Variants in PSTPIP1 observed in about 807,000 individuals in gnomAD.
The protein encoded by PSTPIP1 is proline-serine-threonine phosphatase interacting protein 1.
Under a neutral mutation model 69.6 loss-of-function variants are expected in PSTPIP1, and 66 were observed. That is an observed-to-expected ratio of 0.95 (90% CI 0.78 to 1.16). PSTPIP1 has a LOEUF of 1.16. Among genes scored for constraint, PSTPIP1 ranks in the 50% most tolerant of loss-of-function variants. The pLI is 0.00. For missense variants in PSTPIP1, 603 were observed against 557.4 expected (o/e 1.08, Z -0.82); for synonymous variants, 266 against 222.7 (o/e 1.19, Z -1.73).
rs771629261 is a variant in PSTPIP1, at chr15:77,018,519, A to C, written c.200A>C (p.Gln67Pro). 1 of 1,572,622 alleles carries C rather than the reference A, an allele frequency of 6.4e-7. No homozygotes were observed. The highest frequency in any genetic ancestry group is 1.2e-5 in the South Asian group (1 of 85,574). Residue 67 changes from glutamine (Q) to proline (P), a missense_variant, in exon 3 of 15, where the codon CAG becomes CCG. Physicochemically the swap from Gln to Pro is moderately conservative, Grantham distance 76 (BLOSUM62 -1). Transcript: ENST00000558012. ...CAGATCGCACGGAAGGCAGGTGGCC[A>C]GACGGAGATCAAGTAAGATCTCCCG... is the stretch of plus-strand genomic sequence containing the variant. ...LVQIARKAGG[Q>P]TEINSLRASF...
chr15:77,032,471 G>T, intron 11 of PSTPIP1, 77 bp downstream of exon 11: 1 of 1,484,076 alleles, frequency 6.7e-7, no homozygotes, highest in Non-Finnish European at 9.3e-7. Context: ...AGCCTCAAGT[G>T]CCAGGACCGG....
chr15:77,019,259 C>T (rs1219347138), intron 3 of PSTPIP1, among the ~76,000 whole-genome samples: 1 of 152,158 alleles, frequency 6.6e-6, no homozygotes, highest in Non-Finnish European at 1.5e-5. Context: ...CTGGGAAGGC[C>T]CAGACTGTCC....
At chr15:77,015,363 C>A (rs1219745367) in intron 1 of PSTPIP1, among the ~76,000 whole-genome samples, 1 of 152,054 alleles carries the variant, frequency 6.6e-6, no homozygotes, top group African/African-American at 2.4e-5. Context: ...CCTGTTTGGG[C>A]CTCCTGTCCC....
At position 77,028,017 on chromosome 15, in the gene PSTPIP1, T is replaced by G. The variant is rs948598804; in HGVS notation, c.417+103T>G. 1.1e-5 allele frequency: 12 copies of G among 1,118,404 alleles called. No homozygotes were observed. The African/African-American group carries it at 1.9e-4, about 17-fold the overall frequency. The allele number at this position is 1,118,404 out of a possible 1,614,324, so 69.3% of individuals were successfully genotyped here. On this transcript the variant is annotated intron_variant, in intron 6 of 14. Coordinates refer to ENST00000558012, the MANE Select transcript of PSTPIP1 (RefSeq NM_003978.5). ...CCCGGGCAGGGCATTTGGAACAGGC[T>G]GACCTCAGCCTTGGTCCTCGGACCT...
chr15:77,032,153 GC>G (rs2076432980), intron 10 of PSTPIP1, 144 bp from the exon 11 acceptor site: 1 of 718,506 alleles, frequency 1.4e-6, no homozygotes, highest in East Asian at 2.7e-5. Flanking sequence ...GTCAGCCAGG[GC>G]CGTGACCCCT....
chr15:77,028,691 T>G lies in PSTPIP1; in HGVS notation c.516+39T>G, dbSNP rs560901290. 7 of 1,451,954 alleles carry G rather than the reference T, an allele frequency of 4.8e-6. No individual in the cohort carries two copies. The African/African-American group carries it at 1.0e-4, about 21-fold the overall frequency. The allele number at this position is 1,451,954 out of a possible 1,614,324, so 89.9% of individuals were successfully genotyped here. A position where few individuals can be genotyped will look rare whatever the true frequency, so the allele number is the denominator to read the frequency against. On this transcript the variant is annotated intron_variant, in intron 7 of 14. Transcript: ENST00000558012. Reference sequence around the variant, plus strand: ...CTGGGCCGTGTGGGTCGCCCAGGGCTGGGGGCAGTGGGGGAGGCAAGGAAG... The same window carrying G: ...CTGGGCCGTGTGGGTCGCCCAGGGCGGGGGGCAGTGGGGGAGGCAAGGAAG...
upstream of PSTPIP1, chr15:76,995,023 G>A: frequency 1.7e-6 from 2 of 1,191,622 alleles, no homozygotes; most frequent in Admixed American, 3.4e-5. Flanking sequence ...GCAAGCAGAG[G>A]CAGGAGCAGG....
intron 13 of PSTPIP1, 48 bp from the exon 14 acceptor site, chr15:77,035,754 G>C (rs1190027714): frequency 1.4e-6 from 2 of 1,466,380 alleles, no homozygotes; most frequent in African/African-American, 2.4e-5. Context: ...ACTTCCAGGG[G>C]CCAGTGTCCC....
At chr15:77,003,607 G>A (rs1367278530) in intron 1 of PSTPIP1, among the ~76,000 whole-genome samples, 1 of 151,912 alleles carries the variant, frequency 6.6e-6, no homozygotes, top group Non-Finnish European at 1.5e-5. Flanking sequence ...AGTGAGCTGA[G>A]GTTTCACAAT....
chr15:77,022,529 T>C (rs952221313), intron 3 of PSTPIP1, among the ~76,000 whole-genome samples: 3 of 152,122 alleles, frequency 2.0e-5, no homozygotes, highest in African/African-American at 7.2e-5. Context: ...CTCAGGGAGA[T>C]CTTGACAGTT....
intron 1 of PSTPIP1, among the ~76,000 whole-genome samples, chr15:77,012,140 T>G (rs1596069255): frequency 8.1e-6 from 1 of 123,114 alleles, no homozygotes; most frequent in Non-Finnish European, 1.7e-5. Flanking sequence ...CATCCATCCA[T>G]CCATCCATCC....
intron 9 of PSTPIP1, 50 bp from the exon 10 acceptor site, chr15:77,031,130 G>A (rs201795289): frequency 2.2e-5 from 34 of 1,544,744 alleles, no homozygotes; most frequent in African/African-American, 1.6e-4. Context: ...CAGCCTGGCC[G>A]GGCCCTGCAG....
intron 3 of PSTPIP1, 32 bp from the exon 4 acceptor site, chr15:77,025,252 C>T (rs916934510): frequency 2.5e-6 from 4 of 1,594,790 alleles, no homozygotes; most frequent in Non-Finnish European, 3.4e-6. Context: ...CTGTGCTCTC[C>T]TCCTCCTGAC....
chr15:77,001,832 G>A (rs77775234), intron 1 of PSTPIP1, among the ~76,000 whole-genome samples: 2,873 of 152,310 alleles, frequency 0.019, 96 homozygotes, highest in African/African-American at 0.066. Flanking sequence ...TGCACAGGGA[G>A]CTAATTAAAG....
intron 3 of PSTPIP1, among the ~76,000 whole-genome samples, chr15:77,018,954 T>C (rs1349076658): frequency 6.6e-6 from 1 of 152,136 alleles, no homozygotes; most frequent in African/African-American, 2.4e-5. Flanking sequence ...GGTTCCGGTG[T>C]CAGCTCCTCA....
rs2075556755 is a variant in PSTPIP1 at position 76,995,474 on chromosome 15, G to A, written c.-100G>A. ...GCGCCGGCCGGGAAGGGGGGCCTGGGCCAGCCCTGCCAGGACTGGGACGCT... is the reference window on the plus strand; with the variant it reads ...GCGCCGGCCGGGAAGGGGGGCCTGGACCAGCCCTGCCAGGACTGGGACGCT... On this transcript the variant is annotated 5_prime_UTR_variant, in exon 1 of 15. Transcript: ENST00000558012. The A allele has an allele frequency of 6.3e-7, 1 of 1,597,534 alleles. No homozygotes were observed.
At chr15:77,020,868 T>TGGG (rs201125747) in intron 3 of PSTPIP1, among the ~76,000 whole-genome samples, 30 of 115,528 alleles carry the variant, frequency 2.6e-4, no homozygotes, top group African/African-American at 8.8e-4. Flanking sequence ...TAGACTCCTG[T>TGGG]GGGGGGGGGG....
At chr15:77,030,049 C>T (rs2076378514) in intron 8 of PSTPIP1, among the ~76,000 whole-genome samples, 1 of 152,118 alleles carries the variant, frequency 6.6e-6, no homozygotes, top group Non-Finnish European at 1.5e-5. Flanking sequence ...GGGAAGGCCT[C>T]TCCCTTCTGC....
Position 77,008,091 on chromosome 15 carries a change from G to A in PSTPIP1, c.37-10057G>A, listed in dbSNP as rs994390542. 113 of 455,722 alleles carry A rather than the reference G, an allele frequency of 2.5e-4. 1 individual carries two copies. The highest frequency in any genetic ancestry group is 2.4e-3 in the Admixed American group (103 of 42,508). 28.2% of individuals were successfully genotyped at this position (455,722 alleles called of 1,614,324 possible). On this transcript the variant is annotated intron_variant, in intron 1 of 14. Coordinates refer to ENST00000558012, the MANE Select transcript of PSTPIP1 (RefSeq NM_003978.5). ...GCAAGCAGAGCTGGGGGTGGAGGGC[G>A]GGAGATCAGCACAGAAGTCTGGATC...
Sources: gnomAD v4.1 joint callset for allele counts (sites outside exome capture counted in the v4.1 genomes callset) on GRCh38, gnomAD v4.1.1 for gene constraint, MANE v1.5 for transcripts, NCBI Gene and HGNC (gene_info 2026-07-23, HGNC 2026-07-21) for gene names.